The following ESRRG variants were observed in gnomAD, a reference collection of about 807,000 sequenced individuals.
The protein encoded by ESRRG is estrogen-related receptor gamma.
A neutral mutation model predicts 44.0 loss-of-function variants in ESRRG; 13 were observed. The ratio of observed to expected loss-of-function variants is 0.30; its 90% CI spans 0.19 to 0.47. The LOEUF (loss-of-function observed/expected upper bound fraction) is 0.47. ESRRG is among the 20% of genes least tolerant of loss of function. ESRRG has a pLI of 1.00. For synonymous variants in ESRRG, 215 were observed against 214.6 expected, an observed-to-expected ratio of 1.00 and a Z score of -0.02; for missense variants, 395 against 580.6, an observed-to-expected ratio of 0.68 and a Z score of 3.29.
intron 2 of ESRRG, among the ~76,000 whole-genome samples, chr1:216,833,985 T>C (rs1052043378): frequency 6.6e-6 from 1 of 152,236 alleles, no homozygotes; most frequent in Admixed American, 6.5e-5. Context: ...GTTCTTCATC[T>C]GCACAGTTAT....
At chr1:216,994,937 T>C (rs982535720) in intron 1 of ESRRG, among the ~76,000 whole-genome samples, 4 of 152,216 alleles carry the variant, frequency 2.6e-5, no homozygotes, top group African/African-American at 7.2e-5. Flanking sequence ...CTGCTCTTGC[T>C]GTGCAGATTT....
At chr1:216,514,985 CA>C (rs1553279703) in intron 6 of ESRRG, among the ~76,000 whole-genome samples, 3 of 143,464 alleles carry the variant, frequency 2.1e-5, no homozygotes, top group African/African-American at 5.2e-5. Flanking sequence ...CACACACACA[CA>C]ACACACACTT....
intron 3 of ESRRG, among the ~76,000 whole-genome samples, chr1:216,600,638 C>G (rs1340893124): frequency 6.6e-6 from 1 of 151,882 alleles, no homozygotes; most frequent in Non-Finnish European, 1.5e-5. Flanking sequence ...GCCTAGTACC[C>G]ATTAGTTATT....
At chr1:217,128,228 A>G (rs1215657840) in intron 1 of ESRRG, among the ~76,000 whole-genome samples, 1 of 152,206 alleles carries the variant, frequency 6.6e-6, no homozygotes. Context: ...CATCCAAACC[A>G]CTGCATTCGT....
Position 216,875,419 on chromosome 1 carries a change from T to C in ESRRG, c.-14+64163A>G, listed in dbSNP as rs1402296279. 3.3e-5 allele frequency among the ~76,000 whole-genome samples: 5 copies of C among 152,214 alleles called. No homozygotes were observed. The East Asian group carries it at 9.7e-4, about 29-fold the overall frequency. ...TTCTTCCCCAAAGGTAACCAAAAGG[T>C]ACCAAAAGGTAAACAAAGATGCTAA... On this transcript the variant is annotated intron_variant, in intron 2 of 7. Transcript: ENST00000359162.
intron 2 of ESRRG, among the ~76,000 whole-genome samples, chr1:216,911,611 T>G (rs114876198): frequency 0.016 from 2,400 of 152,260 alleles, 69 homozygotes; most frequent in African/African-American, 0.053. Context: ...TAATGATGTG[T>G]CAGTGCAGGT....
At chr1:216,829,386 C>T (rs891767280) in intron 2 of ESRRG, among the ~76,000 whole-genome samples, 5 of 152,032 alleles carry the variant, frequency 3.3e-5, no homozygotes, top group Admixed American at 2.6e-4. Flanking sequence ...AGAGGTGTCT[C>T]CATTTAGTTC....
At chr1:216,844,360 A>C (rs1396699367) in intron 2 of ESRRG, among the ~76,000 whole-genome samples, 1 of 152,148 alleles carries the variant, frequency 6.6e-6, no homozygotes, top group Non-Finnish European at 1.5e-5. Context: ...TAAGTCCCTC[A>C]GCTAAGGGGA....
chr1:216,866,452 C>T (rs577558337), intron 2 of ESRRG, among the ~76,000 whole-genome samples: 21 of 152,230 alleles, frequency 1.4e-4, no homozygotes, highest in South Asian at 8.3e-4. Flanking sequence ...TTAGTTTCTA[C>T]GGAAGATCTA....
chr1:216,536,231 C>T (rs547732820), intron 5 of ESRRG, among the ~76,000 whole-genome samples: 2 of 152,094 alleles, frequency 1.3e-5, no homozygotes, highest in African/African-American at 2.4e-5. Flanking sequence ...ACCAGTACCC[C>T]CTTCTCCCCA....
At chr1:217,086,157 T>C (rs899580058) in intron 1 of ESRRG, among the ~76,000 whole-genome samples, 3 of 152,212 alleles carry the variant, frequency 2.0e-5, no homozygotes, top group African/African-American at 7.2e-5. Flanking sequence ...GTTGGTTTTA[T>C]CATACCCGTG....
intron 2 of ESRRG, among the ~76,000 whole-genome samples, chr1:216,939,131 C>T (rs368047638): frequency 1.7e-4 from 26 of 152,002 alleles, no homozygotes; most frequent in African/African-American, 5.3e-4. Context: ...CTATCTTAAA[C>T]GCAGGACAAG....
chr1:216,688,871 G>C (rs779488527), intron 1 of ESRRG, among the ~76,000 whole-genome samples: 3 of 152,158 alleles, frequency 2.0e-5, no homozygotes, highest in African/African-American at 4.8e-5. Context: ...ACTCGAGAGA[G>C]TGGTGTATAT....
At chr1:217,016,013 A>G (rs1579525304) in intron 1 of ESRRG, among the ~76,000 whole-genome samples, 2 of 152,124 alleles carry the variant, frequency 1.3e-5, no homozygotes, top group East Asian at 3.9e-4. Context: ...ATATGCCGAG[A>G]AAGTTTGTGT....
intron 1 of ESRRG, among the ~76,000 whole-genome samples, chr1:216,692,097 T>C (rs1259686665): frequency 6.6e-6 from 1 of 152,200 alleles, no homozygotes; most frequent in African/African-American, 2.4e-5. Flanking sequence ...TAGAGTGTAC[T>C]CCTTCTACTT....
intron 2 of ESRRG, among the ~76,000 whole-genome samples, chr1:216,937,224 A>G (rs2064294401): frequency 6.7e-6 from 1 of 149,916 alleles, no homozygotes; most frequent in South Asian, 2.1e-4. Context: ...GATGGAAACA[A>G]TAAAAATAGT....
At chr1:216,769,700 G>A (rs1194850052) in intron 2 of ESRRG, among the ~76,000 whole-genome samples, 3 of 152,094 alleles carry the variant, frequency 2.0e-5, no homozygotes, top group Non-Finnish European at 4.4e-5. Context: ...ATAGGGATAT[G>A]GCAAGATATG....
intron 2 of ESRRG, among the ~76,000 whole-genome samples, chr1:216,664,947 T>G (rs757565641): frequency 2.6e-4 from 39 of 152,132 alleles, no homozygotes; most frequent in African/African-American, 7.2e-4. Flanking sequence ...CAGTATTATT[T>G]ACAATAGCCA....
chr1:217,073,514 T>G (rs1431915481), intron 1 of ESRRG, among the ~76,000 whole-genome samples: 1 of 152,110 alleles, frequency 6.6e-6, no homozygotes, highest in Non-Finnish European at 1.5e-5. Flanking sequence ...GCAGGTCACT[T>G]CAAATGTGGC....
Sources: allele counts gnomAD v4.1 joint callset (sites outside exome capture counted in the v4.1 genomes callset), GRCh38; gene constraint gnomAD v4.1.1; transcripts MANE v1.5; gene names NCBI Gene and HGNC (gene_info 2026-07-23, HGNC 2026-07-21).